The following WDFY3 variants were observed in gnomAD, a reference collection of about 807,000 sequenced individuals.
WDFY3 encodes the protein WD repeat and FYVE domain-containing protein 3.
In WDFY3, 66 loss-of-function variants were observed where a neutral mutation model predicts 409.6. The ratio of observed to expected loss-of-function variants is 0.16; its 90% CI spans 0.13 to 0.20. The LOEUF (loss-of-function observed/expected upper bound fraction) is 0.20. WDFY3 is among the 10% of genes least tolerant of loss of function. The pLI is 1.00. For synonymous variants in WDFY3, 1,521 were observed against 1,537.1 expected (o/e 0.99, Z 0.25); for missense variants, 3,031 against 4,298.1 (o/e 0.71, Z 8.24).
At chr4:84,767,723 C>T (rs1743927112) in intron 30 of WDFY3, among the ~76,000 whole-genome samples, 1 of 151,920 alleles carries the variant, frequency 6.6e-6, no homozygotes, top group East Asian at 1.9e-4. Flanking sequence ...TAAGCTAAAA[C>T]ATAATCCTGA....
At chr4:84,891,233 T>C (rs1329287137) in intron 3 of WDFY3, among the ~76,000 whole-genome samples, 1 of 152,182 alleles carries the variant, frequency 6.6e-6, no homozygotes, top group Admixed American at 6.5e-5. Flanking sequence ...TTTCCTCTCT[T>C]CCATGATTTT....
At chr4:84,955,318 A>G (rs866113669) in intron 1 of WDFY3, among the ~76,000 whole-genome samples, 2 of 152,196 alleles carry the variant, frequency 1.3e-5, no homozygotes, top group South Asian at 2.1e-4. Flanking sequence ...TAAAATTTTT[A>G]CATGACTATA....
rs767674711 is a variant in WDFY3, at chr4:84,709,032, G to GA, written c.8098-5dup. 174 of 1,612,490 alleles carry GA rather than the reference G, an allele frequency of 1.1e-4. 1 individual carries two copies. The highest frequency in any genetic ancestry group is 1.4e-4 in the Non-Finnish European group (162 of 1,179,546). Reference sequence around the variant, plus strand: ...GGAAGTTGCTGATTTCACCTCTCTGGAAAAAGATAAATATTCATTTTTGAG... The same window carrying GA: ...GGAAGTTGCTGATTTCACCTCTCTGGAAAAAAGATAAATATTCATTTTTGAG... On this transcript the variant is annotated splice_region_variant and splice_polypyrimidine_tract_variant and intron_variant, in intron 52 of 67. Coordinates refer to ENST00000295888, the MANE Select transcript of WDFY3 (RefSeq NM_014991.6).
intron 4 of WDFY3, among the ~76,000 whole-genome samples, chr4:84,853,364 G>A (rs1759302397): frequency 1.3e-5 from 2 of 151,780 alleles, no homozygotes; most frequent in Non-Finnish European, 2.9e-5. Flanking sequence ...AGTAGAGATG[G>A]GGTTTCACCA....
chr4:84,721,375 T>C, intron 47 of WDFY3, 34 bp downstream of exon 47: 1 of 1,608,476 alleles, frequency 6.2e-7, no homozygotes, highest in Non-Finnish European at 8.5e-7. Context: ...GTTACTGAAG[T>C]ATTTACAATC....
At chr4:84,866,628 G>A (rs534531168) in intron 3 of WDFY3, among the ~76,000 whole-genome samples, 1 of 152,168 alleles carries the variant, frequency 6.6e-6, no homozygotes, top group Admixed American at 6.5e-5. Flanking sequence ...TCCAGATAAG[G>A]GGTAGCTGAT....
At chr4:84,772,291 T>A (rs1156626300) in intron 30 of WDFY3, among the ~76,000 whole-genome samples, 3 of 152,128 alleles carry the variant, frequency 2.0e-5, no homozygotes, top group Non-Finnish European at 4.4e-5. Context: ...AGAGGGAGGA[T>A]ATATATGTAC....
chr4:84,729,034 C>A (rs937852360), intron 44 of WDFY3, among the ~76,000 whole-genome samples: 8 of 151,982 alleles, frequency 5.3e-5, no homozygotes, highest in African/African-American at 1.9e-4. Flanking sequence ...TATACTGAGG[C>A]AGCCACAAGA....
intron 18 of WDFY3, 24 bp from the exon 19 acceptor site, chr4:84,796,776 G>A: frequency 6.4e-7 from 1 of 1,571,098 alleles, no homozygotes; most frequent in Non-Finnish European, 8.7e-7. Flanking sequence ...AAATCTCTTG[G>A]GAAAATGTCA....
At chr4:84,912,215 G>A (rs919320633) in intron 2 of WDFY3, among the ~76,000 whole-genome samples, 1 of 152,178 alleles carries the variant, frequency 6.6e-6, no homozygotes, top group Non-Finnish European at 1.5e-5. Context: ...GAAAAGTCAT[G>A]ACATAACAAG....
chr4:84,766,412 A>G (rs1743645883), intron 30 of WDFY3, 40 bp from the exon 31 acceptor site: 1 of 1,528,854 alleles, frequency 6.5e-7, no homozygotes, highest in Non-Finnish European at 8.8e-7. Flanking sequence ...CCTAGTAGAT[A>G]AGCTAAAAGA....
At chr4:84,762,640 A>G (rs1017852362) in intron 32 of WDFY3, among the ~76,000 whole-genome samples, 1 of 152,164 alleles carries the variant, frequency 6.6e-6, no homozygotes, top group Non-Finnish European at 1.5e-5. Flanking sequence ...ACAATGTGGC[A>G]TAAGTGGAGG....
chr4:84,725,834 C>A (rs1446503780), intron 45 of WDFY3, among the ~76,000 whole-genome samples: 1 of 151,990 alleles, frequency 6.6e-6, no homozygotes, highest in Non-Finnish European at 1.5e-5. Context: ...GAATGAGATA[C>A]TGAACCAAAT....
intron 2 of WDFY3, among the ~76,000 whole-genome samples, chr4:84,897,710 G>A (rs368096815): frequency 2.0e-5 from 3 of 152,092 alleles, no homozygotes; most frequent in African/African-American, 4.8e-5. Flanking sequence ...TGTTCCTAAC[G>A]CAGGACAAAG....
Position 84,768,669 on chromosome 4 carries a change from A to G in WDFY3, c.4850-2297T>C, listed in dbSNP as rs141542229. Among the ~76,000 whole-genome samples, 652 of 152,338 alleles carry G rather than the reference A, an allele frequency of 4.3e-3. 7 individuals carry two copies. The highest frequency in any genetic ancestry group is 6.1e-3 in the Non-Finnish European group (416 of 68,018). On this transcript the variant is annotated intron_variant, in intron 30 of 67. Coordinates refer to ENST00000295888, the MANE Select transcript of WDFY3 (RefSeq NM_014991.6). The stretch of plus-strand genomic sequence containing the variant: ...CAGCTCACTGACAATGCACCTAGCC[A>G]TCCAAGAGCTCTGATGGAGATGCAC...
intron 53 of WDFY3, 79 bp downstream of exon 53, chr4:84,708,830 T>C (rs1732428519): frequency 2.6e-6 from 4 of 1,514,486 alleles, no homozygotes; most frequent in African/African-American, 1.4e-5. Context: ...GATGAGCCAC[T>C]GCACCCCACT....
intron 1 of WDFY3, among the ~76,000 whole-genome samples, chr4:84,952,593 T>A (rs1389702359): frequency 1.3e-5 from 2 of 152,168 alleles, no homozygotes; most frequent in African/African-American, 2.4e-5. Flanking sequence ...TCTTCCAGCT[T>A]ATTCTTTAAA....
At chr4:84,796,500 G>T (rs745984707) in intron 19 of WDFY3, 21 bp downstream of exon 19, 57 of 1,498,396 alleles carry the variant, frequency 3.8e-5, no homozygotes, top group South Asian at 1.4e-5. Context: ...ATAAAGGTTG[G>T]CTTCCTTGCA....
intron 51 of WDFY3, among the ~76,000 whole-genome samples, chr4:84,712,114 A>G (rs1177775655): frequency 6.6e-6 from 1 of 151,958 alleles, no homozygotes; most frequent in Non-Finnish European, 1.5e-5. Flanking sequence ...ACTTGAGGCC[A>G]GGAGTTTGAG....
Sources: gnomAD v4.1 joint callset for allele counts (sites outside exome capture counted in the v4.1 genomes callset) on GRCh38, gnomAD v4.1.1 for gene constraint, MANE v1.5 for transcripts, NCBI Gene and HGNC (gene_info 2026-07-23, HGNC 2026-07-21) for gene names.